The following PPP1R3G variants were observed in gnomAD, a reference collection of about 807,000 sequenced individuals.
PPP1R3G encodes the protein protein phosphatase 1 regulatory subunit 3G, also known as protein phosphatase 1, regulatory (inhibitor) subunit 3G.
A neutral mutation model predicts 2.0 loss-of-function variants in PPP1R3G; 3 were observed. That is an observed-to-expected ratio of 1.47 (90% CI 0.67 to 3.81). The LOEUF (loss-of-function observed/expected upper bound fraction) is 3.81. PPP1R3G is among the 30% of genes most tolerant of loss of function. The pLI is 0.02. For missense variants in PPP1R3G, 595 were observed against 517.0 expected (o/e 1.15, Z -1.46); for synonymous variants, 267 against 250.9 (o/e 1.06, Z -0.61).
rs1374828303 is a variant in PPP1R3G at position 5,089,233 on chromosome 6, A to C, written c.*2671A>C. On this transcript the variant is annotated 3_prime_UTR_variant, in exon 1 of 1. Transcript: ENST00000405617. ...AATGAAACAATTTTTCTGTTACTAA[A>C]TATAAAAGCTATGAAGCCTTCTGAT... The C allele has an allele frequency of 1.3e-5, 2 of 152,230 alleles. No homozygotes were observed. Among genetic ancestry groups the C allele is most frequent in the Admixed American group, 1.3e-4 (2 of 15,280 alleles). 9.4% of individuals were successfully genotyped at this position (152,230 alleles called of 1,614,324 possible). A position where few individuals can be genotyped will look rare whatever the true frequency, so the allele number is the denominator to read the frequency against.
Position 5,085,714 on chromosome 6 carries a change from C to T in PPP1R3G, c.229C>T (p.Arg77Cys). The stretch of plus-strand genomic sequence containing the variant: ...GGAGCAGGAGGAGCTGCTGGAATGC[C>T]GCCGCCGCTGCCGCGCGCGCTCCTT... ...PQEQEELLEC[R>C]RRCRARSFSL... Residue 77 changes from arginine (R) to cysteine (C), a missense_variant, in exon 1 of 1, where the codon CGC (arginine) becomes TGC (cysteine). Coordinates refer to ENST00000405617, the MANE Select transcript of PPP1R3G (RefSeq NM_001145115.3). 3.9e-6 allele frequency: 6 copies of T among 1,546,386 alleles called. No homozygotes were observed. Among genetic ancestry groups the T allele is most frequent in the Non-Finnish European group, 5.2e-6 (6 of 1,145,762 alleles).
rs592775 is a variant in PPP1R3G at position 5,088,521 on chromosome 6, A to G, written c.*1959A>G. On this transcript the variant is annotated 3_prime_UTR_variant, in exon 1 of 1. Coordinates refer to ENST00000405617, the MANE Select transcript of PPP1R3G (RefSeq NM_001145115.3). ...TACTGGAACACAGCCGTGCACACTC[A>G]TTTCTGTCTTCTCTGTGCTGCTTCC... 0.94 allele frequency: 143,194 copies of G among 152,346 alleles called. 67,374 individuals are homozygous for G. Among genetic ancestry groups the G allele is most frequent in the African/African-American group, 0.98 (40,913 of 41,574 alleles). The allele number at this position is 152,346 out of a possible 1,614,324, so 9.4% of individuals were successfully genotyped here.
Position 5,086,256 on chromosome 6 carries a change from G to A in PPP1R3G, c.771G>A (p.Trp257Ter). The A allele has an allele frequency of 2.6e-6, 4 of 1,535,570 alleles. No homozygotes were observed. Among genetic ancestry groups the A allele is most frequent in the Non-Finnish European group, 3.5e-6 (4 of 1,146,704 alleles). Reference sequence around the variant, plus strand: ...CCGTGCGCTACACCTTTACCGAGTGGCGCTCCTTCCTGGACGTGCCGGCTG... The same window carrying A: ...CCGTGCGCTACACCTTTACCGAGTGACGCTCCTTCCTGGACGTGCCGGCTG... Reference protein sequence around the residue: ...AVTVRYTFTEWRSFLDVPAEL... With the variant: ...AVTVRYTFTE Residue 257 changes from tryptophan (W) to a stop codon, truncating the protein, a stop_gained, in exon 1 of 1, where the codon TGG (tryptophan) becomes TGA (stop). Transcript: ENST00000405617. LOFTEE classifies it low-confidence loss of function (END_TRUNC).
chr6:5,085,693 C>G lies in PPP1R3G; in HGVS notation c.208C>G (p.Gln70Glu). 6.5e-7 allele frequency: 1 copy of G among 1,547,996 alleles called. No individual in the cohort carries two copies. Among genetic ancestry groups the G allele is most frequent in the Non-Finnish European group, 8.7e-7 (1 of 1,146,226 alleles). ...SPKEEAAPQEQEELLECRRRC... is the reference protein window; with the variant it reads ...SPKEEAAPQEEEELLECRRRC... ...GAAGGAAGAGGCCGCCCCCCAGGAG[C>G]AGGAGGAGCTGCTGGAATGCCGCCG... Residue 70 changes from glutamine (Q) to glutamate (E), a missense_variant, in exon 1 of 1, where the codon CAG (glutamine) becomes GAG (glutamate). Transcript: ENST00000405617.
chr6:5,085,436 C>A lies in PPP1R3G; in HGVS notation c.-50C>A. On this transcript the variant is annotated 5_prime_UTR_variant, in exon 1 of 1. Coordinates refer to ENST00000405617, the MANE Select transcript of PPP1R3G (RefSeq NM_001145115.3). ...CCACGGCCCGAGGAGTTAGTTAAGT[C>A]TCCAGAGGGGCCCGGTTCGGCCCGA... 1.4e-6 allele frequency: 2 copies of A among 1,391,760 alleles called. No individual in the cohort carries two copies. Among genetic ancestry groups the A allele is most frequent in the South Asian group, 1.3e-5 (1 of 76,220 alleles). The allele number at this position is 1,391,760 out of a possible 1,614,324, so 86.2% of individuals were successfully genotyped here.
chr6:5,086,389 T>G lies in PPP1R3G; in HGVS notation c.904T>G (p.Phe302Val). The G allele has an allele frequency of 6.5e-7, 1 of 1,536,212 alleles. No homozygotes were observed. The change falls in exon 1 of 1, where the codon TTC becomes GTC. Residue 302 changes from phenylalanine to valine, a missense_variant. Coordinates refer to ENST00000405617, the MANE Select transcript of PPP1R3G (RefSeq NM_001145115.3). ...KKEPGAECFH[F>V]SLCLPPGLQP... ...AGAGCCAGGCGCCGAGTGCTTCCAC[T>G]TCTCGCTGTGCCTGCCCCCGGGCCT...
Position 5,087,992 on chromosome 6 carries a change from G to A in PPP1R3G, c.*1430G>A, listed in dbSNP as rs946997277. 6.6e-6 allele frequency: 1 copy of A among 152,250 alleles called. No individual in the cohort carries two copies. The highest frequency in any genetic ancestry group is 1.5e-5 in the Non-Finnish European group (1 of 68,030). 9.4% of individuals were successfully genotyped at this position (152,250 alleles called of 1,614,324 possible). ...ACTGTTGCTTGATAGAACAGGGCTGGGCATACGTACATTTGGCCCATGGGC... is the reference window on the plus strand; with the variant it reads ...ACTGTTGCTTGATAGAACAGGGCTGAGCATACGTACATTTGGCCCATGGGC... On this transcript the variant is annotated 3_prime_UTR_variant, in exon 1 of 1. Coordinates refer to ENST00000405617, the MANE Select transcript of PPP1R3G (RefSeq NM_001145115.3).
In PPP1R3G at chr6:5,085,967, T is replaced by C. The variant is rs988748141; in HGVS notation, c.482T>C (p.Leu161Pro). Residue 161 changes from leucine to proline, a missense_variant, in exon 1 of 1, where the codon CTC becomes CCC. Leu to Pro is a moderately conservative substitution (Grantham distance 98, BLOSUM62 -3). Transcript: ENST00000405617. ...GAGCCGCAGGTGCCGCCCGCCGTGC[T>C]CTCGCGCCTCCGAAGCTTCCCTATG... ...AEEPQVPPAVLSRLRSFPMRA... is the reference protein window; with the variant it reads ...AEEPQVPPAVPSRLRSFPMRA... 4.6e-6 allele frequency: 7 copies of C among 1,527,064 alleles called. No homozygotes were observed. The highest frequency in any genetic ancestry group is 4.4e-6 in the Non-Finnish European group (5 of 1,143,680). The allele number at this position is 1,527,064 out of a possible 1,614,324, so 94.6% of individuals were successfully genotyped here. A position where few individuals can be genotyped will look rare whatever the true frequency, so the allele number is the denominator to read the frequency against.
Position 5,086,060 on chromosome 6 carries a change from C to A in PPP1R3G, c.575C>A (p.Ala192Glu). The change falls in exon 1 of 1, where the codon GCG (alanine) becomes GAG (glutamate). Residue 192 changes from alanine (A) to glutamate (E), a missense_variant. Coordinates refer to ENST00000405617, the MANE Select transcript of PPP1R3G (RefSeq NM_001145115.3). The part of the protein sequence containing the change: ...AAAAVAAPLS[A>E]PPSRLRPLFQ... ...GCGGCAGTGGCCGCGCCCCTTTCAG[C>A]GCCGCCTTCCCGGCTCCGGCCGCTC... The A allele has an allele frequency of 2.0e-6, 3 of 1,475,854 alleles. No homozygotes were observed. The highest frequency in any genetic ancestry group is 2.7e-6 in the Non-Finnish European group (3 of 1,121,158). 91.4% of individuals were successfully genotyped at this position (1,475,854 alleles called of 1,614,324 possible). A position where few individuals can be genotyped will look rare whatever the true frequency, so the allele number is the denominator to read the frequency against.
In PPP1R3G at chr6:5,088,242, C is replaced by G. The variant is rs1483087211; in HGVS notation, c.*1680C>G. The G allele has an allele frequency of 6.6e-6, 1 of 152,274 alleles. No homozygotes were observed. The highest frequency in any genetic ancestry group is 1.5e-5 in the Non-Finnish European group (1 of 68,162). The allele number at this position is 152,274 out of a possible 1,614,324, so 9.4% of individuals were successfully genotyped here. A position where few individuals can be genotyped will look rare whatever the true frequency, so the allele number is the denominator to read the frequency against. On this transcript the variant is annotated 3_prime_UTR_variant, in exon 1 of 1. Coordinates refer to ENST00000405617, the MANE Select transcript of PPP1R3G (RefSeq NM_001145115.3). ...CCAGAGTAGTTGGGAGTACAGGCAT[C>G]TGCCACCACACCTGGCTAATTTTTG...
rs1326345867 is a variant in PPP1R3G at position 5,086,344 on chromosome 6, G to A, written c.859G>A (p.Gly287Arg). Residue 287 changes from glycine (G) to arginine (R), a missense_variant, in exon 1 of 1, where the codon GGG becomes AGG. By Grantham distance (125) the Gly-to-Arg change is moderately radical. Transcript: ENST00000405617. The stretch of plus-strand genomic sequence containing the variant: ...GGCACCGTCTGGGGCCTCCGAGCCA[G>A]GGTCCGGGGATGCCAAGAAAGAGCC... ...PEAPSGASEP[G>R]SGDAKKEPGA... 2.0e-6 allele frequency: 3 copies of A among 1,535,942 alleles called. No homozygotes were observed. Among genetic ancestry groups the A allele is most frequent in the Non-Finnish European group, 2.6e-6 (3 of 1,146,734 alleles).
In PPP1R3G at chr6:5,085,856, G is replaced by A. The variant is rs1469138001; in HGVS notation, c.371G>A (p.Cys124Tyr). 2.6e-6 allele frequency: 4 copies of A among 1,530,146 alleles called. No individual in the cohort carries two copies. The highest frequency in any genetic ancestry group is 3.5e-6 in the Non-Finnish European group (4 of 1,143,514). The allele number at this position is 1,530,146 out of a possible 1,614,324, so 94.8% of individuals were successfully genotyped here. A position where few individuals can be genotyped will look rare whatever the true frequency, so the allele number is the denominator to read the frequency against. Residue 124 changes from cysteine (C) to tyrosine (Y), a missense_variant, in exon 1 of 1, where the codon TGC (cysteine) becomes TAC (tyrosine). Transcript: ENST00000405617. ...AEDAQLGPGG[C>Y]CAKCKKRVQF... ...GACGCACAGCTCGGCCCGGGCGGCT[G>A]CTGCGCCAAGTGCAAGAAGCGGGTG...
Position 5,085,466 on chromosome 6 carries a change from G to A in PPP1R3G, c.-20G>A. On this transcript the variant is annotated 5_prime_UTR_variant, in exon 1 of 1. Transcript: ENST00000405617. ...GAGGGGCCCGGTTCGGCCCGAGCAA[G>A]TCCAGGGGCGAACGGCGTCATGGAG... 6.6e-7 allele frequency: 1 copy of A among 1,518,326 alleles called. No homozygotes were observed. Among genetic ancestry groups the A allele is most frequent in the Non-Finnish European group, 8.8e-7 (1 of 1,133,340 alleles). 94.1% of individuals were successfully genotyped at this position (1,518,326 alleles called of 1,614,324 possible).
rs1371406922 is a variant in PPP1R3G, at chr6:5,089,288, C to G, written c.*2726C>G. 1 of 152,136 alleles carries G rather than the reference C, an allele frequency of 6.6e-6. No individual in the cohort carries two copies. Among genetic ancestry groups the G allele is most frequent in the African/African-American group, 2.4e-5 (1 of 41,422 alleles). The allele number at this position is 152,136 out of a possible 1,614,324, so 9.4% of individuals were successfully genotyped here. A position where few individuals can be genotyped will look rare whatever the true frequency, so the allele number is the denominator to read the frequency against. ...CATCAGGTAATCTTGGTCTGATATA[C>G]CATTTCTTAAAAGTACATTATTGCA... On this transcript the variant is annotated 3_prime_UTR_variant, in exon 1 of 1. Transcript: ENST00000405617.
At position 5,088,127 on chromosome 6, in the gene PPP1R3G, C is replaced by G. The variant is rs886307540; in HGVS notation, c.*1565C>G. ...TATTATTTTTCGAGACGGAGTTTCA[C>G]TCTTGTCGCCCAGGCTGGAGTGCAA... On this transcript the variant is annotated 3_prime_UTR_variant, in exon 1 of 1. Transcript: ENST00000405617. The G allele has an allele frequency of 1.3e-5, 2 of 152,148 alleles. No homozygotes were observed. Among genetic ancestry groups the G allele is most frequent in the Non-Finnish European group, 2.9e-5 (2 of 68,040 alleles). 9.4% of individuals were successfully genotyped at this position (152,148 alleles called of 1,614,324 possible).
rs1301237136 is a variant in PPP1R3G, at chr6:5,086,374, G to T, written c.889G>T (p.Ala297Ser). The change falls in exon 1 of 1, where the codon GCC becomes TCC. Residue 297 changes from alanine (A) to serine (S), a missense_variant. Coordinates refer to ENST00000405617, the MANE Select transcript of PPP1R3G (RefSeq NM_001145115.3). ...CGGGGATGCCAAGAAAGAGCCAGGC[G>T]CCGAGTGCTTCCACTTCTCGCTGTG... ...GSGDAKKEPG[A>S]ECFHFSLCLP... 6.5e-7 allele frequency: 1 copy of T among 1,536,102 alleles called. No homozygotes were observed. The highest frequency in any genetic ancestry group is 1.2e-5 in the South Asian group (1 of 84,064).
rs1402258927 is a variant in PPP1R3G at position 5,085,382 on chromosome 6, C to A, written c.-104C>A. On this transcript the variant is annotated 5_prime_UTR_variant, in exon 1 of 1. Coordinates refer to ENST00000405617, the MANE Select transcript of PPP1R3G (RefSeq NM_001145115.3). The stretch of plus-strand genomic sequence containing the variant: ...CTGGGGCGACTCGCCTCGGGGAGGG[C>A]GAGCCTGAACTGCAGCCCTGCGCTC... The A allele has an allele frequency of 1.2e-6, 1 of 823,514 alleles. No homozygotes were observed. The highest frequency in any genetic ancestry group is 1.8e-6 in the Non-Finnish European group (1 of 545,498). 51.0% of individuals were successfully genotyped at this position (823,514 alleles called of 1,614,324 possible). A position where few individuals can be genotyped will look rare whatever the true frequency, so the allele number is the denominator to read the frequency against.
chr6:5,085,471 G>A lies in PPP1R3G; in HGVS notation c.-15G>A. 3.3e-6 allele frequency: 5 copies of A among 1,526,224 alleles called. No individual in the cohort carries two copies. The highest frequency in any genetic ancestry group is 4.4e-6 in the Non-Finnish European group (5 of 1,140,030). 94.5% of individuals were successfully genotyped at this position (1,526,224 alleles called of 1,614,324 possible). ...GCCCGGTTCGGCCCGAGCAAGTCCA[G>A]GGGCGAACGGCGTCATGGAGCCCAT... On this transcript the variant is annotated 5_prime_UTR_variant, in exon 1 of 1. Coordinates refer to ENST00000405617, the MANE Select transcript of PPP1R3G (RefSeq NM_001145115.3).
rs34969826 is a variant in PPP1R3G at position 5,085,838 on chromosome 6, A to C, written c.353A>C (p.Gln118Pro). The C allele has an allele frequency of 0.027, 41,602 of 1,528,148 alleles. 2,883 individuals are homozygous for C. The highest frequency in any genetic ancestry group is 0.26 in the African/African-American group (18,890 of 72,074). The allele number at this position is 1,528,148 out of a possible 1,614,324, so 94.7% of individuals were successfully genotyped here. A position where few individuals can be genotyped will look rare whatever the true frequency, so the allele number is the denominator to read the frequency against. The change falls in exon 1 of 1, where the codon CAG (glutamine) becomes CCG (proline). Residue 118 changes from glutamine to proline, a missense_variant. Coordinates refer to ENST00000405617, the MANE Select transcript of PPP1R3G (RefSeq NM_001145115.3). ...GGCGGCGAGGGGGCGGAGGACGCAC[A>C]GCTCGGCCCGGGCGGCTGCTGCGCC... ...ALGGEGAEDA[Q>P]LGPGGCCAKC... is the part of the protein sequence containing the mutation.
Sources: gnomAD v4.1 joint callset for allele counts on GRCh38, gnomAD v4.1.1 for gene constraint, MANE v1.5 for transcripts, NCBI Gene and HGNC (gene_info 2026-07-23, HGNC 2026-07-21) for gene names.